The following KAZN variants were observed in gnomAD, a reference collection of about 807,000 sequenced individuals.
KAZN encodes kazrin.
KAZN carries 40 observed loss-of-function variants against 87.4 expected under a neutral mutation model. The ratio of observed to expected loss-of-function variants is 0.46; its 90% CI spans 0.36 to 0.60. The LOEUF (loss-of-function observed/expected upper bound fraction) is 0.60. KAZN is among the 20% of genes least tolerant of loss of function. The pLI is 0.00. For missense variants in KAZN, 898 were observed against 1,073.9 expected (o/e 0.84, Z 2.29); for synonymous variants, 466 against 458.3 (o/e 1.02, Z -0.22).
intron 1 of KAZN, among the ~76,000 whole-genome samples, chr1:14,723,237 A>C (rs548964547): frequency 8.5e-5 from 13 of 152,198 alleles, no homozygotes; most frequent in African/African-American, 2.4e-4. Context: ...AAGAGATCCT[A>C]ATCCTGACTC....
chr1:14,765,544 G>T (rs533607538), intron 1 of KAZN, among the ~76,000 whole-genome samples: 1 of 152,208 alleles, frequency 6.6e-6, no homozygotes, highest in Non-Finnish European at 1.5e-5. Flanking sequence ...GGAATTTGGT[G>T]TGCAGATGTA....
intron 5 of KAZN, among the ~76,000 whole-genome samples, chr1:15,059,752 A>G (rs1407405404): frequency 1.3e-5 from 2 of 152,150 alleles, no homozygotes; most frequent in East Asian, 3.9e-4. Context: ...AGGTCTAGGA[A>G]TGTCCAGGTG....
intron 1 of KAZN, among the ~76,000 whole-genome samples, chr1:14,179,061 G>A (rs1646141479): frequency 6.6e-6 from 1 of 152,142 alleles, no homozygotes; most frequent in South Asian, 2.1e-4. Context: ...TTGGCCTGCA[G>A]CTCCCCTGTA....
rs150636160 is a variant in KAZN at position 14,430,046 on chromosome 1, C to T, written c.250-168937C>T. On this transcript the variant is annotated intron_variant, in intron 2 of 16. Coordinates refer to the KAZN transcript ENST00000636203. ...AAACACACCAGGCAGCCTCCAACTCCAGGGCCTTTGCAGAGGTCATTCCTT... is the reference window on the plus strand; with the variant it reads ...AAACACACCAGGCAGCCTCCAACTCTAGGGCCTTTGCAGAGGTCATTCCTT... Among the ~76,000 whole-genome samples, 12 of 152,218 alleles carry T rather than the reference C, an allele frequency of 7.9e-5. No individual in the cohort carries two copies. The East Asian group carries it at 1.4e-3, about 17-fold the overall frequency.
At chr1:14,110,366 G>T (rs1188561327) in intron 1 of KAZN, among the ~76,000 whole-genome samples, 1 of 152,176 alleles carries the variant, frequency 6.6e-6, no homozygotes, top group Non-Finnish European at 1.5e-5. Context: ...CACTTGCAAT[G>T]CAATTTTGTA....
At chr1:13,907,655 A>C (rs956364002) in intron 1 of KAZN, among the ~76,000 whole-genome samples, 4 of 152,202 alleles carry the variant, frequency 2.6e-5, no homozygotes, top group Admixed American at 1.3e-4. Context: ...CTCCTGGTCC[A>C]ATAGCCCTTC....
chr1:13,916,514 G>A (rs1284583198), intron 1 of KAZN, among the ~76,000 whole-genome samples: 6 of 152,090 alleles, frequency 3.9e-5, no homozygotes, highest in Non-Finnish European at 7.4e-5. Context: ...GCATCCCTAC[G>A]TGCCAGGTGC....
intron 1 of KAZN, among the ~76,000 whole-genome samples, chr1:14,139,066 C>A (rs918908242): frequency 3.3e-5 from 5 of 152,164 alleles, no homozygotes; most frequent in African/African-American, 1.2e-4. Flanking sequence ...AGTAGTTGCC[C>A]ATAGAGAGCA....
rs140384193 is a variant in KAZN, at chr1:14,208,678, T to C, written c.249+28086T>C. ...AAGCTGAGCTTTTATTGTCTTTTCA[T>C]CCTGAGAATAATGCTGCAGCATGGA... On this transcript the variant is annotated intron_variant, in intron 2 of 16. Transcript: ENST00000636203. Among the ~76,000 whole-genome samples, 37 of 152,338 alleles carry C rather than the reference T, an allele frequency of 2.4e-4. No individual in the cohort carries two copies. In the East Asian group the frequency reaches 4.1e-3, roughly 17 times the overall value.
intron 1 of KAZN, among the ~76,000 whole-genome samples, chr1:13,911,349 G>A (rs981544363): frequency 1.3e-5 from 2 of 152,108 alleles, no homozygotes; most frequent in Non-Finnish European, 2.9e-5. Context: ...GTGCCTGGCT[G>A]GTGCCACACA....
rs181283377 is a variant in KAZN at position 14,847,149 on chromosome 1, C to A, written c.227-113535C>A. ...AGCACAATAAAAATAAAAGATATGC[C>A]GGCAATCTTTTTAAAAGCTTATACA... On this transcript the variant is annotated intron_variant, in intron 1 of 14. Coordinates refer to ENST00000376030, the MANE Select transcript of KAZN (RefSeq NM_201628.3). Among the ~76,000 whole-genome samples, 149 of 152,240 alleles carry A rather than the reference C, an allele frequency of 9.8e-4. 1 individual carries two copies. The highest frequency in any genetic ancestry group is 1.9e-4 in the East Asian group (1 of 5,184).
At chr1:14,707,100 G>T (rs771490178) in intron 1 of KAZN, among the ~76,000 whole-genome samples, 2 of 152,158 alleles carry the variant, frequency 1.3e-5, no homozygotes, top group African/African-American at 4.8e-5. Context: ...GTTGGCATTC[G>T]AAAACCTTTG....
At chr1:14,410,700 TAC>T (rs1456730059) in intron 2 of KAZN, among the ~76,000 whole-genome samples, 1 of 152,154 alleles carries the variant, frequency 6.6e-6, no homozygotes, top group Admixed American at 6.5e-5. Flanking sequence ...GGAGATTTCA[TAC>T]AGACACACAC....
intron 1 of KAZN, among the ~76,000 whole-genome samples, chr1:13,905,561 T>C (rs1639405792): frequency 6.6e-6 from 1 of 152,316 alleles, no homozygotes; most frequent in Admixed American, 6.5e-5. Context: ...TCATCTTCCC[T>C]GATGTCGAGC....
intron 2 of KAZN, among the ~76,000 whole-genome samples, chr1:14,421,819 C>T (rs968273941): frequency 2.0e-5 from 3 of 152,128 alleles, no homozygotes; most frequent in Non-Finnish European, 4.4e-5. Flanking sequence ...TGACATAGGC[C>T]TTAGTCCCCT....
chr1:14,392,399 A>G (rs145202828), intron 2 of KAZN, among the ~76,000 whole-genome samples: 1 of 152,252 alleles, frequency 6.6e-6, no homozygotes, highest in East Asian at 1.9e-4. Context: ...AAGTGGTGCC[A>G]TCATCTCTCC....
intron 2 of KAZN, among the ~76,000 whole-genome samples, chr1:14,365,328 T>A (rs1380438677): frequency 6.8e-6 from 1 of 146,406 alleles, no homozygotes; most frequent in Non-Finnish European, 1.5e-5. Flanking sequence ...ATTACAGGTG[T>A]GAGCCACCGC....
intron 1 of KAZN, among the ~76,000 whole-genome samples, chr1:14,873,513 G>A (rs1323437077): frequency 6.6e-6 from 1 of 152,212 alleles, no homozygotes; most frequent in Admixed American, 6.5e-5. Context: ...GAAAAGCAGA[G>A]AGAACAGAAG....
At chr1:14,056,819 G>A (rs570082065) in intron 1 of KAZN, among the ~76,000 whole-genome samples, 3 of 151,958 alleles carry the variant, frequency 2.0e-5, no homozygotes, top group Admixed American at 6.6e-5. Flanking sequence ...CTATGGCCTC[G>A]CTCCTGTACA....
Sources: allele counts gnomAD v4.1 joint callset (sites outside exome capture counted in the v4.1 genomes callset), GRCh38; gene constraint gnomAD v4.1.1; transcripts MANE v1.5; gene names NCBI Gene and HGNC (gene_info 2026-07-23, HGNC 2026-07-21).